Variants in GRIK5 observed in about 807,000 individuals in gnomAD.
The protein encoded by GRIK5 is glutamate receptor ionotropic, kainate 5.
A neutral mutation model predicts 97.4 loss-of-function variants in GRIK5; 43 were observed. That is an observed-to-expected ratio of 0.44 (90% CI 0.35 to 0.57). The LOEUF is 0.57. Ranked by LOEUF, GRIK5 falls within the 20% of genes least tolerant of loss-of-function variation. The pLI, the probability that GRIK5 is intolerant of heterozygous loss-of-function variation, is 0.01. For missense variants in GRIK5, 1,015 were observed against 1,382.0 expected (o/e 0.73, Z 4.21); for synonymous variants, 580 against 583.5 (o/e 0.99, Z 0.09).
intron 17 of GRIK5, among the ~76,000 whole-genome samples, chr19:42,004,349 T>G (rs2075460895): frequency 6.6e-6 from 1 of 152,178 alleles, no homozygotes; most frequent in Non-Finnish European, 1.5e-5. Flanking sequence ...ATCCTGCCCT[T>G]AAGCCATCCT....
rs1478611601 is a variant in GRIK5, at chr19:42,053,236, C to CTGAGG, written c.1269+365_1269+366insCCTCA. On this transcript the variant is annotated intron_variant, in intron 11 of 19. Coordinates refer to ENST00000593562, the MANE Select transcript of GRIK5 (RefSeq NM_002088.5). ...TGTGTGACCCTGGGCAAGTCGCCTC[C>CTGAGG]CCTCTCTGAGCCTCAGTTTCCACAA... 1.6e-4 allele frequency among the ~76,000 whole-genome samples: 25 copies of CTGAGG among 152,294 alleles called. No individual in the cohort carries two copies. The South Asian group carries it at 4.8e-3, about 29-fold the overall frequency.
At chr19:42,049,774 C>CA (rs1462614851) in intron 11 of GRIK5, among the ~76,000 whole-genome samples, 6 of 152,022 alleles carry the variant, frequency 3.9e-5, no homozygotes, top group African/African-American at 9.7e-5. Flanking sequence ...AAAGTAAAAA[C>CA]AAAAAATTAA....
At chr19:42,034,451 G>C (rs760244602) in intron 12 of GRIK5, among the ~76,000 whole-genome samples, 1 of 152,126 alleles carries the variant, frequency 6.6e-6, no homozygotes, top group Non-Finnish European at 1.5e-5. Flanking sequence ...TGTGGGCCCT[G>C]CTCTCGGATC....
intron 12 of GRIK5, among the ~76,000 whole-genome samples, chr19:42,024,590 G>T (rs914326246): frequency 6.6e-6 from 1 of 152,120 alleles, no homozygotes; most frequent in African/African-American, 2.4e-5. Flanking sequence ...CTCCATACAG[G>T]TTCCTTGCCT....
At chr19:42,053,538 C>A in intron 11 of GRIK5, 64 bp downstream of exon 11, 1 of 969,762 alleles carries the variant, frequency 1.0e-6, no homozygotes, top group South Asian at 1.3e-5. Context: ...CTCCACCTCA[C>A]GGTGGGAGCT....
intron 15 of GRIK5, among the ~76,000 whole-genome samples, chr19:42,014,525 G>A (rs768538558): frequency 6.6e-6 from 1 of 152,166 alleles, no homozygotes; most frequent in Non-Finnish European, 1.5e-5. Flanking sequence ...GCTCATGCCT[G>A]TAATCCCAGC....
intron 15 of GRIK5, among the ~76,000 whole-genome samples, chr19:42,018,581 C>T (rs1378283351): frequency 7.0e-6 from 1 of 142,998 alleles, no homozygotes; most frequent in African/African-American, 2.7e-5. Flanking sequence ...ATCACTTGAT[C>T]CCGGGAGGTG....
chr19:42,019,893 G>A (rs1422061147), intron 15 of GRIK5, among the ~76,000 whole-genome samples: 4 of 152,142 alleles, frequency 2.6e-5, no homozygotes, highest in Non-Finnish European at 5.9e-5. Flanking sequence ...CAGAACTATA[G>A]GATAATGTGT....
intron 15 of GRIK5, among the ~76,000 whole-genome samples, chr19:42,010,980 TA>T (rs1289538801): frequency 6.6e-6 from 1 of 151,918 alleles, no homozygotes; most frequent in East Asian, 2.0e-4. Context: ...TAATGTTTCT[TA>T]GTTTTTGTAG....
chr19:42,063,434 T>A, intron 3 of GRIK5: 1 of 445,104 alleles, frequency 2.2e-6, no homozygotes, highest in African/African-American at 2.0e-5. Flanking sequence ...GGGGGAACTA[T>A]CCTCACCCTT....
chr19:42,048,921 G>A (rs1000160220), intron 11 of GRIK5, among the ~76,000 whole-genome samples: 7 of 151,780 alleles, frequency 4.6e-5, no homozygotes. Context: ...GCACGACTGT[G>A]GTCCCAGCTA....
At position 42,065,827 on chromosome 19, in the gene GRIK5, G is replaced by A; in HGVS notation, c.-50-7C>T. On this transcript the variant is annotated splice_region_variant and splice_polypyrimidine_tract_variant and intron_variant, in intron 1 of 19. Transcript: ENST00000593562. This position sits in a 1 kb window ranked among gnomAD's most constrained non-coding sequence, Gnocchi z 5.8. ...CGCGGCCCCCACTCGCCACCTGCAG[G>A]GAGACCCCCCAGACCAAGGGGAGAT... 1.4e-6 allele frequency: 2 copies of A among 1,393,160 alleles called. No homozygotes were observed. The highest frequency in any genetic ancestry group is 2.0e-6 in the Non-Finnish European group (2 of 1,013,158). 86.3% of individuals were successfully genotyped at this position (1,393,160 alleles called of 1,614,324 possible). A position where few individuals can be genotyped will look rare whatever the true frequency, so the allele number is the denominator to read the frequency against.
intron 11 of GRIK5, among the ~76,000 whole-genome samples, chr19:42,048,289 T>C (rs2076068125): frequency 1.3e-5 from 2 of 152,152 alleles, no homozygotes; most frequent in Non-Finnish European, 2.9e-5. Context: ...TTGCAATACA[T>C]ACATCAGACA....
rs541112270 is a variant in GRIK5, at chr19:42,012,224, GTGTATGTA to G, written c.1872-5422_1872-5415del. Among the ~76,000 whole-genome samples, 956 of 151,460 alleles carry G rather than the reference GTGTATGTA, an allele frequency of 6.3e-3. 6 individuals carry two copies. The highest frequency in any genetic ancestry group is 0.022 in the African/African-American group (893 of 41,286). On this transcript the variant is annotated intron_variant, in intron 15 of 19. Transcript: ENST00000593562. ...TATGTATATGTATATATACATGTATGTGTATGTATGTATGTATGTATGTATGTATGTAT... is the reference window on the plus strand; with the variant it reads ...TATGTATATGTATATATACATGTATGTGTATGTATGTATGTATGTATGTAT...
intron 15 of GRIK5, among the ~76,000 whole-genome samples, chr19:42,007,146 G>C (rs574532124): frequency 6.6e-6 from 1 of 151,166 alleles, no homozygotes; most frequent in Admixed American, 6.6e-5. Context: ...CCAGGATGGA[G>C]TGCAGTGGCA....
rs934643194 is a variant in GRIK5, at chr19:42,007,055, A to G, written c.1872-245T>C. On this transcript the variant is annotated intron_variant, in intron 15 of 19. Transcript: ENST00000593562. ...GATGGTCTGGAAATACCCTCCCACC[A>G]TAAACAGCTAAAGAGCTGGATAGAA... Among the ~76,000 whole-genome samples the G allele has an allele frequency of 4.6e-5, 7 of 152,198 alleles. No homozygotes were observed. In the South Asian group the frequency reaches 1.0e-3, roughly 23 times the overall value.
At chr19:42,000,074 G>A (rs1353269648) in intron 19 of GRIK5, among the ~76,000 whole-genome samples, 4 of 152,240 alleles carry the variant, frequency 2.6e-5, no homozygotes, top group South Asian at 4.1e-4. Flanking sequence ...GGAGGGGGGC[G>A]TGCACAGGGA....
chr19:42,021,903 G>C lies in GRIK5; in HGVS notation c.1697+44C>G. 7.3e-7 allele frequency: 1 copy of C among 1,362,492 alleles called. No homozygotes were observed. Among genetic ancestry groups the C allele is most frequent in the East Asian group, 2.4e-5 (1 of 41,190 alleles). The allele number at this position is 1,362,492 out of a possible 1,614,324, so 84.4% of individuals were successfully genotyped here. ...AGGTCGGTCCCAGAGGCCTCGGCTCGTGCCTCCTCCAGCCCCTTCCTTCCC... is the reference window on the plus strand; with the variant it reads ...AGGTCGGTCCCAGAGGCCTCGGCTCCTGCCTCCTCCAGCCCCTTCCTTCCC... On this transcript the variant is annotated intron_variant, in intron 14 of 19. Transcript: ENST00000593562. The surrounding 1 kb of genome is among the most constrained non-coding windows in gnomAD (Gnocchi z 4.2).
rs1288150515 is a variant in GRIK5 at position 42,069,673 on chromosome 19, G to C, written c.-483C>G. Among the ~76,000 whole-genome samples, 1 of 151,126 alleles carries C rather than the reference G, an allele frequency of 6.6e-6. No individual in the cohort carries two copies. The highest frequency in any genetic ancestry group is 2.4e-5 in the African/African-American group (1 of 41,172). On this transcript the variant is annotated 5_prime_UTR_variant, in exon 1 of 20. Transcript: ENST00000593562. ...GGCCTGGGGGGGCCACAGGGGGCGA[G>C]GACTGGGTGGAGAAAAGGAAGCCGG... is the stretch of plus-strand genomic sequence containing the variant.
Sources: gnomAD v4.1 joint callset for allele counts (sites outside exome capture counted in the v4.1 genomes callset) on GRCh38, gnomAD v4.1.1 for gene constraint, Gnocchi (gnomAD v3.1) non-coding constraint, MANE v1.5 for transcripts, NCBI Gene and HGNC (gene_info 2026-07-23, HGNC 2026-07-21) for gene names.